The following CCDC102B variants were observed in gnomAD, a reference collection of about 807,000 sequenced individuals.
CCDC102B encodes coiled-coil domain containing 102B.
A neutral mutation model predicts 57.4 loss-of-function variants in CCDC102B; 75 were observed. The ratio of observed to expected loss-of-function variants is 1.31; its 90% CI spans 1.08 to 1.58. The LOEUF (loss-of-function observed/expected upper bound fraction) is 1.58. CCDC102B is among the 40% of genes most tolerant of loss of function. The probability of loss-of-function intolerance (pLI) is 0.00; values close to 1 mark genes in which losing one functional copy is unlikely to be tolerated. For synonymous variants in CCDC102B, 206 were observed against 201.9 expected (o/e 1.02, Z -0.17); for missense variants, 636 against 582.6 (o/e 1.09, Z -0.94).
chr18:68,718,416 AAGAAAG>A (rs1454429961), intron 2 of CCDC102B, among the ~76,000 whole-genome samples: 1 of 152,222 alleles, frequency 6.6e-6, no homozygotes, highest in African/African-American at 2.4e-5. Context: ...CCAGAAACTA[AAGAAAG>A]GTACTACATG....
intron 6 of CCDC102B, among the ~76,000 whole-genome samples, chr18:68,957,128 A>G: frequency 6.6e-6 from 1 of 151,854 alleles, no homozygotes; most frequent in East Asian, 1.9e-4. Flanking sequence ...AAGTTTTTTT[A>G]ACTTGATGTG....
chr18:68,808,468 C>CGTTTTT (rs2036113998), intron 1 of CCDC102B, among the ~76,000 whole-genome samples: 1 of 91,786 alleles, frequency 1.1e-5, no homozygotes, highest in Non-Finnish European at 2.0e-5. Flanking sequence ...GCTTTTACTA[C>CGTTTTT]TTTTTTTTTT....
At chr18:69,017,209 G>T (rs773580675) in intron 7 of CCDC102B, among the ~76,000 whole-genome samples, 2 of 151,996 alleles carry the variant, frequency 1.3e-5, no homozygotes, top group East Asian at 1.9e-4. Context: ...TCAACCTCCC[G>T]GGCTCAAGCA....
intron 2 of CCDC102B, among the ~76,000 whole-genome samples, chr18:68,790,767 G>A (rs1407851633): frequency 6.6e-6 from 1 of 152,184 alleles, no homozygotes; most frequent in African/African-American, 2.4e-5. Flanking sequence ...ACCTCAGATG[G>A]AAATGCAGAA....
intron 3 of CCDC102B, among the ~76,000 whole-genome samples, chr18:68,843,244 T>G (rs2037716123): frequency 6.6e-6 from 1 of 152,194 alleles, no homozygotes; most frequent in South Asian, 2.1e-4. Flanking sequence ...TCTCTAAATT[T>G]TGAACTGTTA....
At chr18:68,726,398 G>T (rs897565492) in intron 2 of CCDC102B, among the ~76,000 whole-genome samples, 1 of 152,178 alleles carries the variant, frequency 6.6e-6, no homozygotes, top group South Asian at 2.1e-4. Context: ...ACCTGCAGGC[G>T]TGTTTGTGTC....
chr18:68,732,148 G>A lies in CCDC102B; in HGVS notation c.-67+15554G>A, dbSNP rs188510722. ...AATTTCAGTAAAATACACTGCTTCA[G>A]GGGGGAATCTTCAATCTCTTTCCTG... is the stretch of plus-strand genomic sequence containing the variant. On this transcript the variant is annotated intron_variant, in intron 2 of 3. Transcript: ENST00000578970. Among the ~76,000 whole-genome samples, 17 of 151,336 alleles carry A rather than the reference G, an allele frequency of 1.1e-4. No homozygotes were observed. The South Asian group carries it at 3.2e-3, about 28-fold the overall frequency.
intron 5 of CCDC102B, among the ~76,000 whole-genome samples, chr18:68,885,091 C>G (rs1394536789): frequency 6.6e-6 from 1 of 151,540 alleles, no homozygotes; most frequent in Non-Finnish European, 1.5e-5. Context: ...CATTGATTAG[C>G]CCAAAAATAA....
rs537438420 is a variant in CCDC102B, at chr18:69,011,253, G to A, written c.1434+149G>A. On this transcript the variant is annotated intron_variant, in intron 7 of 7. Coordinates refer to ENST00000360242, the MANE Select transcript of CCDC102B (RefSeq NM_024781.3). ...CTGAAATCAATTTAAAAAGAGTAAGGAAATAAGATTACACAGACAATGTGC... is the reference window on the plus strand; with the variant it reads ...CTGAAATCAATTTAAAAAGAGTAAGAAAATAAGATTACACAGACAATGTGC... 1.0e-4 allele frequency: 73 copies of A among 726,308 alleles called. No individual in the cohort carries two copies. In the African/African-American group the frequency reaches 1.2e-3, roughly 12 times the overall value. 45.0% of individuals were successfully genotyped at this position (726,308 alleles called of 1,614,324 possible).
intron 2 of CCDC102B, among the ~76,000 whole-genome samples, chr18:68,743,397 G>A (rs901662553): frequency 2.4e-4 from 36 of 152,010 alleles, no homozygotes; most frequent in African/African-American, 6.8e-4. Flanking sequence ...GAGACAGAGC[G>A]ATACTCCATC....
chr18:68,891,338 G>A (rs1172371763), intron 5 of CCDC102B, among the ~76,000 whole-genome samples: 1 of 152,184 alleles, frequency 6.6e-6, no homozygotes, highest in Non-Finnish European at 1.5e-5. Flanking sequence ...TACTTCATGT[G>A]TATCCAATAT....
intron 1 of CCDC102B, among the ~76,000 whole-genome samples, chr18:68,805,932 A>C (rs1328256505): frequency 6.6e-6 from 1 of 152,124 alleles, no homozygotes; most frequent in Non-Finnish European, 1.5e-5. Flanking sequence ...CAGTGATCTC[A>C]TTTACTTTTC....
Position 68,846,371 on chromosome 18 carries a change from A to G in CCDC102B, c.886A>G (p.Lys296Glu). The change falls in exon 4 of 8, where the codon AAG becomes GAG. Residue 296 changes from lysine (K) to glutamate (E), a missense_variant. Lys to Glu is a moderately conservative substitution (Grantham distance 56, BLOSUM62 1). Transcript: ENST00000360242. ...ERLESALSLWKWKYEELKESK... is the reference protein window; with the variant it reads ...ERLESALSLWEWKYEELKESK... Reference sequence around the variant, plus strand: ...ACTGGAGTCGGCTTTGTCTCTGTGGAAGTGGAAGTATGAAGAACTGAAAGA... The same window carrying G: ...ACTGGAGTCGGCTTTGTCTCTGTGGGAGTGGAAGTATGAAGAACTGAAAGA... 1 of 1,591,534 alleles carries G rather than the reference A, an allele frequency of 6.3e-7. No individual in the cohort carries two copies. Among genetic ancestry groups the G allele is most frequent in the Non-Finnish European group, 8.5e-7 (1 of 1,170,472 alleles).
intron 6 of CCDC102B, among the ~76,000 whole-genome samples, chr18:68,921,007 G>T (rs1480341806): frequency 6.6e-6 from 1 of 152,132 alleles, no homozygotes; most frequent in Non-Finnish European, 1.5e-5. Flanking sequence ...TGGCATAAGG[G>T]CTCCAAATGT....
intron 4 of CCDC102B, among the ~76,000 whole-genome samples, chr18:68,861,796 G>A (rs749201425): frequency 9.9e-5 from 15 of 152,140 alleles, no homozygotes; most frequent in Non-Finnish European, 1.8e-4. Context: ...TGAGCACTTT[G>A]CTAGACATTT....
upstream of CCDC102B, among the ~76,000 whole-genome samples, chr18:68,797,222 C>T (rs554549502): frequency 7.9e-5 from 12 of 151,864 alleles, no homozygotes; most frequent in Non-Finnish European, 1.5e-4. Flanking sequence ...ATGATAACAC[C>T]GTAATAAGCC....
At chr18:68,834,995 C>G (rs2037305387) in intron 1 of CCDC102B, among the ~76,000 whole-genome samples, 1 of 151,844 alleles carries the variant, frequency 6.6e-6, no homozygotes, top group Non-Finnish European at 1.5e-5. Flanking sequence ...TTATTTACAC[C>G]AGAAAAGCGT....
intron 2 of CCDC102B, among the ~76,000 whole-genome samples, chr18:68,790,600 T>C (rs868546768): frequency 1.5e-4 from 23 of 150,354 alleles, no homozygotes; most frequent in South Asian, 1.5e-3. Flanking sequence ...TTCCAGGTGC[T>C]GTCCCTCACC....
Position 68,907,035 on chromosome 18 carries a change from G to A in CCDC102B, c.1263+9607G>A, listed in dbSNP as rs1414177827. 5.9e-5 allele frequency among the ~76,000 whole-genome samples: 9 copies of A among 152,122 alleles called. No homozygotes were observed. In the East Asian group the frequency reaches 1.7e-3, roughly 29 times the overall value. ...TCATTTTCCATGTGAATATCCAGTT[G>A]TGACTGCAACATTTTTTGAAGAGAC... On this transcript the variant is annotated intron_variant, in intron 6 of 7. Coordinates refer to ENST00000360242, the MANE Select transcript of CCDC102B (RefSeq NM_024781.3).
Sources: gnomAD v4.1 joint callset for allele counts (sites outside exome capture counted in the v4.1 genomes callset) on GRCh38, gnomAD v4.1.1 for gene constraint, MANE v1.5 for transcripts, NCBI Gene and HGNC (gene_info 2026-07-23, HGNC 2026-07-21) for gene names.